SHISA6: variants seen among roughly 807,000 people sequenced by gnomAD.
SHISA6 encodes shisa family member 6.
Under a neutral mutation model 47.9 loss-of-function variants are expected in SHISA6, and 22 were observed. The observed-to-expected ratio is 0.46, with a 90% CI of 0.33 to 0.66. The LOEUF (loss-of-function observed/expected upper bound fraction) is 0.66. SHISA6 is among the 30% of genes least tolerant of loss of function. The pLI is 0.02. For missense variants in SHISA6, 680 were observed against 764.6 expected (o/e 0.89, Z 1.30); for synonymous variants, 388 against 337.8 (o/e 1.15, Z -1.63).
intron 3 of SHISA6, among the ~76,000 whole-genome samples, chr17:11,466,845 G>A (rs1479283353): frequency 6.6e-6 from 1 of 152,132 alleles, no homozygotes; most frequent in African/African-American, 2.4e-5. Context: ...ACCACCCCCT[G>A]TAACCCATCC....
intron 3 of SHISA6, among the ~76,000 whole-genome samples, chr17:11,485,946 C>T (rs1193998249): frequency 6.6e-6 from 1 of 152,112 alleles, no homozygotes; most frequent in East Asian, 1.9e-4. Context: ...TTCATTTCTC[C>T]TCCTAATTTA....
At chr17:11,410,862 A>G (rs1914094160) in intron 3 of SHISA6, among the ~76,000 whole-genome samples, 1 of 152,228 alleles carries the variant, frequency 6.6e-6, no homozygotes, top group South Asian at 2.1e-4. Context: ...CAGCTCATCC[A>G]GGCGGCTCTG....
At chr17:11,311,155 G>A (rs1910320658) in intron 2 of SHISA6, among the ~76,000 whole-genome samples, 2 of 147,494 alleles carry the variant, frequency 1.4e-5, no homozygotes, top group Admixed American at 6.8e-5. Flanking sequence ...GGTGGCAGGC[G>A]CCTGTAGTTC....
chr17:11,361,090 GTGCTATAC>G (rs1313049108), intron 2 of SHISA6, among the ~76,000 whole-genome samples: 15 of 149,280 alleles, frequency 1.0e-4, no homozygotes. Flanking sequence ...TCTTATGTCA[GTGCTATAC>G]TGGTTTAATT....
intron 2 of SHISA6, among the ~76,000 whole-genome samples, chr17:11,338,282 T>A: frequency 6.6e-6 from 1 of 152,250 alleles, no homozygotes; most frequent in Non-Finnish European, 1.5e-5. Context: ...TTTGAGCTTC[T>A]AGCCCCAAAG....
intron 2 of SHISA6, among the ~76,000 whole-genome samples, chr17:11,324,571 T>C (rs961905957): frequency 6.6e-6 from 1 of 152,024 alleles, no homozygotes; most frequent in African/African-American, 2.4e-5. Flanking sequence ...AGGCGGGGTA[T>C]TGGGGCTGGA....
intron 3 of SHISA6, among the ~76,000 whole-genome samples, chr17:11,486,413 G>C (rs1046036537): frequency 6.6e-6 from 1 of 152,230 alleles, no homozygotes; most frequent in African/African-American, 2.4e-5. Flanking sequence ...GACAATGCTA[G>C]CACAAGGCTT....
At chr17:11,431,566 C>CT (rs1188959677) in intron 3 of SHISA6, among the ~76,000 whole-genome samples, 1 of 152,232 alleles carries the variant, frequency 6.6e-6, no homozygotes, top group Non-Finnish European at 1.5e-5. Context: ...TCTTTAATCT[C>CT]TTAAGTCCAA....
intron 2 of SHISA6, among the ~76,000 whole-genome samples, chr17:11,328,351 T>C (rs146978915): frequency 8.5e-4 from 129 of 152,280 alleles, no homozygotes; most frequent in African/African-American, 3.0e-3. Context: ...GGTGGGGTGA[T>C]TCGGAGCCAC....
chr17:11,430,491 T>C (rs192016494), intron 3 of SHISA6, among the ~76,000 whole-genome samples: 14 of 152,246 alleles, frequency 9.2e-5, no homozygotes, highest in African/African-American at 3.4e-4. Flanking sequence ...GAAATCAACT[T>C]TTGTTGTTTG....
At chr17:11,270,798 C>T (rs1472950662) in intron 2 of SHISA6, among the ~76,000 whole-genome samples, 1 of 152,186 alleles carries the variant, frequency 6.6e-6, no homozygotes, top group African/African-American at 2.4e-5. Context: ...TTTCCTTCCA[C>T]GTGGAATGTG....
rs573058377 is a variant in SHISA6 at position 11,259,111 on chromosome 17, TAGG to T, written c.639-4251_639-4249del. On this transcript the variant is annotated intron_variant, in intron 1 of 5. Transcript: ENST00000441885. The stretch of plus-strand genomic sequence containing the variant: ...GGAGATGGATATAATTTTGGATAGA[TAGG>T]AGGTGACTGGATGGTTGGGATATGG... Among the ~76,000 whole-genome samples, 27 of 151,400 alleles carry T rather than the reference TAGG, an allele frequency of 1.8e-4. No individual in the cohort carries two copies. In the South Asian group the frequency reaches 5.3e-3, roughly 29 times the overall value.
intron 3 of SHISA6, among the ~76,000 whole-genome samples, chr17:11,499,675 TTTTC>T (rs1166552535): frequency 2.1e-5 from 3 of 142,324 alleles, no homozygotes; most frequent in Non-Finnish European, 3.1e-5. Flanking sequence ...AATCTATTCT[TTTTC>T]TTTCTTTTTT....
chr17:11,335,876 A>G (rs1478787623), intron 2 of SHISA6, among the ~76,000 whole-genome samples: 2 of 152,084 alleles, frequency 1.3e-5, no homozygotes, highest in Non-Finnish European at 2.9e-5. Context: ...AGTGGTTCAA[A>G]TGACATATGC....
At chr17:11,329,830 T>C (rs1911034200) in intron 2 of SHISA6, among the ~76,000 whole-genome samples, 1 of 152,020 alleles carries the variant, frequency 6.6e-6, no homozygotes, top group African/African-American at 2.4e-5. Context: ...GAGGGAAGCA[T>C]TGACTCATTG....
chr17:11,349,336 G>A (rs914411954), intron 2 of SHISA6, among the ~76,000 whole-genome samples: 1 of 152,154 alleles, frequency 6.6e-6, no homozygotes, highest in African/African-American at 2.4e-5. Flanking sequence ...TTATCAGCTC[G>A]TGACTCAGAC....
At chr17:11,407,726 A>G (rs1914005761) in intron 3 of SHISA6, among the ~76,000 whole-genome samples, 1 of 152,076 alleles carries the variant, frequency 6.6e-6, no homozygotes, top group Admixed American at 6.5e-5. Flanking sequence ...CCTATTAATG[A>G]TACCACTGTT....
chr17:11,540,564 C>A (rs1184713189), intron 3 of SHISA6, among the ~76,000 whole-genome samples: 2 of 152,214 alleles, frequency 1.3e-5, no homozygotes. Flanking sequence ...GGGTTCCATA[C>A]ATCCTGCTAA....
At chr17:11,404,877 A>G (rs1261096852) in intron 3 of SHISA6, among the ~76,000 whole-genome samples, 1 of 152,152 alleles carries the variant, frequency 6.6e-6, no homozygotes, top group African/African-American at 2.4e-5. Flanking sequence ...CCTCCAACAG[A>G]TGCCGATTAC....
Sources: gnomAD v4.1 joint callset for allele counts (sites outside exome capture counted in the v4.1 genomes callset) on GRCh38, gnomAD v4.1.1 for gene constraint, MANE v1.5 for transcripts, NCBI Gene and HGNC (gene_info 2026-07-23, HGNC 2026-07-21) for gene names.